VPS37B: variants seen among roughly 807,000 people sequenced by gnomAD.
The protein encoded by VPS37B is vacuolar protein sorting-associated protein 37B.
VPS37B carries 11 observed loss-of-function variants against 21.2 expected under a neutral mutation model. That is an observed-to-expected ratio of 0.52 (90% CI 0.33 to 0.86). The LOEUF (loss-of-function observed/expected upper bound fraction) is 0.86, where lower values mean the gene tolerates loss of function less well. Ranked by LOEUF, VPS37B falls within the 40% of genes least tolerant of loss-of-function variation. The pLI is 0.03. For synonymous variants in VPS37B, 175 were observed against 159.6 expected, an observed-to-expected ratio of 1.10 and a Z score of -0.73; for missense variants, 389 against 374.8, an observed-to-expected ratio of 1.04 and a Z score of -0.31.
In VPS37B at chr12:122,868,269, G is replaced by T. The variant is rs978797342; in HGVS notation, c.366+211C>A. On this transcript the variant is annotated intron_variant, in intron 3 of 3. Coordinates refer to ENST00000267202, the MANE Select transcript of VPS37B (RefSeq NM_024667.3). The surrounding 1 kb of genome is among the most constrained non-coding windows in gnomAD (Gnocchi z 5.5). ...GCATGCCCTCTCTTGGCCCTCGCTCGGACCTGCCCTCACTCACCCCGCTGC... is the reference window on the plus strand; with the variant it reads ...GCATGCCCTCTCTTGGCCCTCGCTCTGACCTGCCCTCACTCACCCCGCTGC... Among the ~76,000 whole-genome samples, 1 of 152,004 alleles carries T rather than the reference G, an allele frequency of 6.6e-6. No individual in the cohort carries two copies. The highest frequency in any genetic ancestry group is 1.5e-5 in the Non-Finnish European group (1 of 67,982).
chr12:122,881,270 G>GT (rs1195079324), intron 1 of VPS37B: 4 of 152,182 alleles, frequency 2.6e-5, no homozygotes, highest in Non-Finnish European at 5.9e-5. Flanking sequence ...TCTTAGGAAG[G>GT]TTAAACGAGC....
At chr12:122,870,631 G>A (rs888374727) in intron 2 of VPS37B, 1 of 340,440 alleles carries the variant, frequency 2.9e-6, no homozygotes, top group African/African-American at 2.1e-5. Context: ...AGCTACTCAG[G>A]AGGCTGAGAC....
chr12:122,871,892 A>G (rs1266307128), intron 1 of VPS37B: 1 of 984,880 alleles, frequency 1.0e-6, no homozygotes, highest in African/African-American at 1.8e-5. Flanking sequence ...TTCCCTTTTC[A>G]CTCACTGGTG....
At chr12:122,892,447 C>T (rs2034427866) in intron 1 of VPS37B, among the ~76,000 whole-genome samples, 1 of 152,014 alleles carries the variant, frequency 6.6e-6, no homozygotes, top group African/African-American at 2.4e-5. Flanking sequence ...CACAAAATAT[C>T]CCCTCAGGCT....
chr12:122,872,477 G>A, intron 1 of VPS37B: 1 of 985,420 alleles, frequency 1.0e-6, no homozygotes, highest in Non-Finnish European at 1.2e-6. Flanking sequence ...AAATGTGGGT[G>A]GTAGAAATGC....
chr12:122,868,645 C>T lies in VPS37B; in HGVS notation c.284-83G>A, dbSNP rs1347771854. 2.8e-5 allele frequency: 34 copies of T among 1,202,498 alleles called. No individual in the cohort carries two copies. The highest frequency in any genetic ancestry group is 4.1e-5 in the Non-Finnish European group (34 of 834,982). 74.5% of individuals were successfully genotyped at this position (1,202,498 alleles called of 1,614,324 possible). A position where few individuals can be genotyped will look rare whatever the true frequency, so the allele number is the denominator to read the frequency against. On this transcript the variant is annotated intron_variant, in intron 2 of 3. Coordinates refer to ENST00000267202, the MANE Select transcript of VPS37B (RefSeq NM_024667.3). The surrounding 1 kb of genome is among the most constrained non-coding windows in gnomAD (Gnocchi z 5.5). ...TGATGCCAACCACGGCAGGATTGCA[C>T]CTTCCTTTCCAGGAAGCTGAATGTG...
intron 1 of VPS37B, 43 bp downstream of exon 1, chr12:122,895,909 C>T (rs2034485372): frequency 6.3e-7 from 1 of 1,584,006 alleles, no homozygotes. Flanking sequence ...GCGAACCCCG[C>T]TCGAGGCCTC....
chr12:122,869,204 T>C (rs1462188192), intron 2 of VPS37B, among the ~76,000 whole-genome samples: 3 of 152,236 alleles, frequency 2.0e-5, no homozygotes, highest in Admixed American at 6.5e-5. Flanking sequence ...GACATTTTTA[T>C]TGTTTCCAAA....
chr12:122,881,493 C>T (rs543007962), intron 1 of VPS37B: 24 of 152,384 alleles, frequency 1.6e-4, no homozygotes, highest in African/African-American at 5.8e-4. Flanking sequence ...AAACCCAGCA[C>T]TCTGGGAGGC....
Position 122,867,188 on chromosome 12 carries a change from TG to T in VPS37B, c.785del (p.Pro262HisfsTer75). 6.4e-7 allele frequency: 1 copy of T among 1,566,370 alleles called. No homozygotes were observed. The highest frequency in any genetic ancestry group is 8.6e-7 in the Non-Finnish European group (1 of 1,160,688). On this transcript the variant is annotated frameshift_variant, in exon 4 of 4. Transcript: ENST00000267202. LOFTEE classifies it high-confidence loss of function. This position sits in a 1 kb window ranked among gnomAD's most constrained non-coding sequence, Gnocchi z 5.5. ...GTCTCTGAGGGAGAGGTGGCGGATA[TG>T]GGGACACGAACTGCGAAGAGAATCC... is the stretch of plus-strand genomic sequence containing the variant. ...QQGFSSQFVSPYPPPLPQRPP... is the reference protein window; with the variant it reads ...QQGFSSQFVSXYPPPLPQRPP...
At chr12:122,872,697 T>A in intron 1 of VPS37B, 1 of 985,426 alleles carries the variant, frequency 1.0e-6, no homozygotes, top group Non-Finnish European at 1.2e-6. Context: ...AAAACCACTG[T>A]ATGGCCACTC....
Position 122,867,291 on chromosome 12 carries a change from C to T in VPS37B, c.683G>A (p.Ser228Asn). Reference sequence around the variant, plus strand: ...TGGGTACGGCACGGCCTGTCCCGAACTCATGGCCGCAGTAAACGGGGTGGC... The same window carrying T: ...TGGGTACGGCACGGCCTGTCCCGAATTCATGGCCGCAGTAAACGGGGTGGC... ...RLATPFTAAM[S>N]SGQAVPYPGL... The change falls in exon 4 of 4, where the codon AGT (serine) becomes AAT (asparagine). Residue 228 changes from serine to asparagine, a missense_variant. Transcript: ENST00000267202. This position sits in a 1 kb window ranked among gnomAD's most constrained non-coding sequence, Gnocchi z 5.5. 6.4e-7 allele frequency: 1 copy of T among 1,573,658 alleles called. No individual in the cohort carries two copies.
intron 1 of VPS37B, chr12:122,874,740 G>C (rs2034113579): frequency 1.3e-5 from 2 of 151,996 alleles, no homozygotes; most frequent in African/African-American, 2.4e-5. Context: ...CCTGAGGTTA[G>C]GAGTTCAAGA....
chr12:122,894,955 C>G (rs1259628607), intron 1 of VPS37B, among the ~76,000 whole-genome samples: 1 of 152,086 alleles, frequency 6.6e-6, no homozygotes. Flanking sequence ...CGCAGTGGTA[C>G]AAAGCCAGCC....
chr12:122,884,183 G>A (rs2135708656), intron 1 of VPS37B: 1 of 152,326 alleles, frequency 6.6e-6, no homozygotes, highest in East Asian at 1.9e-4. Flanking sequence ...TTAAAAATCT[G>A]TTGTCAATGT....
intron 1 of VPS37B, chr12:122,883,803 G>A (rs774516255): frequency 1.3e-5 from 2 of 152,252 alleles, no homozygotes; most frequent in African/African-American, 4.8e-5. Flanking sequence ...CTAATACTCA[G>A]AGGAAAAACA....
intron 1 of VPS37B, among the ~76,000 whole-genome samples, 185 bp downstream of exon 1, chr12:122,895,767 A>G (rs1323007398): frequency 1.4e-5 from 2 of 138,438 alleles, no homozygotes; most frequent in Non-Finnish European, 3.1e-5. Flanking sequence ...CAGGCCCCCT[A>G]TTCCTGCCTA....
At chr12:122,869,890 G>A (rs2033988740) in intron 2 of VPS37B, among the ~76,000 whole-genome samples, 1 of 152,182 alleles carries the variant, frequency 6.6e-6, no homozygotes. Context: ...CCATAGGCGT[G>A]TGCCACCACC....
intron 1 of VPS37B, chr12:122,871,961 G>A (rs2034046240): frequency 1.0e-6 from 1 of 985,332 alleles, no homozygotes; most frequent in African/African-American, 1.7e-5. Context: ...CACACCGTCA[G>A]TTTCAACAGC....
Sources: allele counts gnomAD v4.1 joint callset (sites outside exome capture counted in the v4.1 genomes callset), GRCh38; gene constraint gnomAD v4.1.1; non-coding constraint Gnocchi (gnomAD v3.1); transcripts MANE v1.5; gene names NCBI Gene and HGNC (gene_info 2026-07-23, HGNC 2026-07-21).